The following OTOGL variants were observed in gnomAD, a reference collection of about 807,000 sequenced individuals.
The protein encoded by OTOGL is otogelin like.
In OTOGL, 285 loss-of-function variants were observed where a neutral mutation model predicts 318.5. That is an observed-to-expected ratio of 0.89 (90% CI 0.81 to 0.99). The LOEUF (loss-of-function observed/expected upper bound fraction) is 0.99. Ranked by LOEUF, OTOGL falls within the 50% of genes least tolerant of loss-of-function variation. The pLI is 0.00. For missense variants in OTOGL, 2,899 were observed against 2,845.6 expected (o/e 1.02, Z -0.43); for synonymous variants, 987 against 936.5 (o/e 1.05, Z -0.99).
At chr12:80,328,997 G>T (rs1013499677) in intron 36 of OTOGL, 54 bp from the exon 37 acceptor site, 2 of 1,451,628 alleles carry the variant, frequency 1.4e-6, no homozygotes, top group Non-Finnish European at 9.4e-7. Flanking sequence ...GAAATATGTG[G>T]GTCTAATTTT....
chr12:80,159,783 C>A (rs1309986676), intron 1 of OTOGL, among the ~76,000 whole-genome samples: 2 of 152,018 alleles, frequency 1.3e-5, no homozygotes, highest in Non-Finnish European at 2.9e-5. Flanking sequence ...CAAAAGCCCA[C>A]ATAGCCAAAG....
At chr12:80,175,446 A>G (rs911174034) in intron 1 of OTOGL, among the ~76,000 whole-genome samples, 1 of 152,180 alleles carries the variant, frequency 6.6e-6, no homozygotes, top group Non-Finnish European at 1.5e-5. Flanking sequence ...GTCCAAGTGA[A>G]TTTACTGAAG....
At chr12:80,355,665 C>A in intron 46 of OTOGL, 71 bp from the exon 47 acceptor site, 1 of 1,334,126 alleles carries the variant, frequency 7.5e-7, no homozygotes, top group Non-Finnish European at 1.0e-6. Context: ...CAGTCTGAAA[C>A]CAAAACATGG....
chr12:80,157,979 T>C (rs1447321972), intron 1 of OTOGL, among the ~76,000 whole-genome samples: 1 of 152,148 alleles, frequency 6.6e-6, no homozygotes, highest in Non-Finnish European at 1.5e-5. Context: ...ATTTTTAATC[T>C]AGTACCTGGT....
intron 4 of OTOGL, among the ~76,000 whole-genome samples, chr12:80,217,280 G>C (rs1877825860): frequency 6.6e-6 from 1 of 152,000 alleles, no homozygotes; most frequent in Admixed American, 6.6e-5. Context: ...GGGATCGGGG[G>C]CTGGGGGGAA....
intron 1 of OTOGL, among the ~76,000 whole-genome samples, chr12:80,142,408 G>T (rs1872010976): frequency 6.6e-6 from 1 of 152,150 alleles, no homozygotes; most frequent in African/African-American, 2.4e-5. Flanking sequence ...TGAAAGTTCT[G>T]AGTGGTGGGA....
At chr12:80,366,362 ATGT>A (rs1037846823) in intron 52 of OTOGL, 3 of 463,834 alleles carry the variant, frequency 6.5e-6, no homozygotes, top group African/African-American at 6.0e-5. Flanking sequence ...AGGTTGGCAA[ATGT>A]TGTCTTTGAT....
chr12:80,174,755 G>A (rs1874419503), intron 1 of OTOGL, among the ~76,000 whole-genome samples: 1 of 152,054 alleles, frequency 6.6e-6, no homozygotes, highest in Non-Finnish European at 1.5e-5. Flanking sequence ...TCCCCAGTGA[G>A]CAGAAGAAAA....
intron 1 of OTOGL, among the ~76,000 whole-genome samples, chr12:80,179,671 G>T (rs962614628): frequency 6.6e-6 from 1 of 152,154 alleles, no homozygotes; most frequent in Non-Finnish European, 1.5e-5. Context: ...ATTGGTGTTG[G>T]CTTGAGAGCC....
chr12:80,350,898 T>G (rs1243817675), intron 44 of OTOGL, among the ~76,000 whole-genome samples: 1 of 152,156 alleles, frequency 6.6e-6, no homozygotes, highest in African/African-American at 2.4e-5. Context: ...TGCAGAAACT[T>G]TTATTTTGAT....
intron 26 of OTOGL, among the ~76,000 whole-genome samples, chr12:80,293,244 ATCTC>A (rs1885166651): frequency 6.6e-6 from 1 of 152,152 alleles, no homozygotes; most frequent in South Asian, 2.1e-4. Flanking sequence ...ATCTTTTACT[ATCTC>A]TTAATATTAC....
At chr12:80,145,338 T>C (rs1872271005) in intron 1 of OTOGL, among the ~76,000 whole-genome samples, 3 of 152,152 alleles carry the variant, frequency 2.0e-5, no homozygotes, top group South Asian at 2.1e-4. Context: ...GCTTGTTTTT[T>C]CTCAGGTTTG....
chr12:80,252,898 G>A (rs759492952), intron 13 of OTOGL, among the ~76,000 whole-genome samples: 1 of 152,116 alleles, frequency 6.6e-6, no homozygotes, highest in Non-Finnish European at 1.5e-5. Flanking sequence ...CAGAATGTAA[G>A]CCCAAGCACC....
At chr12:80,251,639 T>C (rs1307768365) in intron 11 of OTOGL, 54 bp from the exon 12 acceptor site, 1 of 1,392,244 alleles carries the variant, frequency 7.2e-7, no homozygotes, top group Non-Finnish European at 9.9e-7. Context: ...CTCAATGGTA[T>C]GGTTTCTGTC....
At chr12:80,298,317 A>G (rs1374933761) in intron 27 of OTOGL, among the ~76,000 whole-genome samples, 1 of 152,184 alleles carries the variant, frequency 6.6e-6, no homozygotes, top group African/African-American at 2.4e-5. Context: ...TTAAGAGCAT[A>G]GACTTTAGAG....
intron 1 of OTOGL, among the ~76,000 whole-genome samples, chr12:80,113,699 C>T (rs941710742): frequency 1.8e-4 from 28 of 152,082 alleles, no homozygotes; most frequent in Admixed American, 1.8e-3. Flanking sequence ...AATTTTTTGT[C>T]TCACTGATCT....
At chr12:80,228,722 C>A (rs1879100087) in intron 7 of OTOGL, among the ~76,000 whole-genome samples, 1 of 150,708 alleles carries the variant, frequency 6.6e-6, no homozygotes, top group South Asian at 2.1e-4. Context: ...TCCTTTCATT[C>A]TTTTTTTTTA....
Position 80,380,604 on chromosome 12 carries a change from A to AC in OTOGL, c.*2558dup, listed in dbSNP as rs397936207. 4 of 151,204 alleles carry AC rather than the reference A, an allele frequency of 2.6e-5. No homozygotes were observed. The highest frequency in any genetic ancestry group is 2.1e-4 in the South Asian group (1 of 4,774). 9.4% of individuals were successfully genotyped at this position (151,204 alleles called of 1,614,324 possible). A position where few individuals can be genotyped will look rare whatever the true frequency, so the allele number is the denominator to read the frequency against. On this transcript the variant is annotated 3_prime_UTR_variant, in exon 59 of 59. Transcript: ENST00000547103. ...TTCTCACCTACCAGACTGGTAAAAA[A>AC]CCAGAAGTTTAATGATACTTTTATT...
At chr12:80,241,607 T>C (rs1314899610) in intron 11 of OTOGL, among the ~76,000 whole-genome samples, 1 of 152,214 alleles carries the variant, frequency 6.6e-6, no homozygotes, top group Non-Finnish European at 1.5e-5. Context: ...TTATCTTTAA[T>C]ATCTTTAGCA....
Sources: gnomAD v4.1 joint callset for allele counts (sites outside exome capture counted in the v4.1 genomes callset) on GRCh38, gnomAD v4.1.1 for gene constraint, MANE v1.5 for transcripts, NCBI Gene and HGNC (gene_info 2026-07-23, HGNC 2026-07-21) for gene names.